Variants in FAM117A observed in about 807,000 individuals in gnomAD.
FAM117A encodes protein FAM117A.
Under a neutral mutation model 44.1 loss-of-function variants are expected in FAM117A, and 21 were observed. The observed-to-expected ratio is 0.48, with a 90% CI of 0.34 to 0.69. The LOEUF (loss-of-function observed/expected upper bound fraction) is 0.69, where lower values mean the gene tolerates loss of function less well. Ranked by LOEUF, FAM117A falls within the 30% of genes least tolerant of loss-of-function variation. The pLI is 0.01. For synonymous variants in FAM117A, 220 were observed against 238.3 expected, an observed-to-expected ratio of 0.92 and a Z score of 0.71; for missense variants, 498 against 589.9, an observed-to-expected ratio of 0.84 and a Z score of 1.61.
At chr17:49,717,467 CAT>C in intron 6 of FAM117A, 44 bp downstream of exon 6, 1 of 1,575,600 alleles carries the variant, frequency 6.3e-7, no homozygotes, top group East Asian at 2.2e-5. Context: ...TGGAGCCACT[CAT>C]GTGCCCCAGA....
At position 49,761,764 on chromosome 17, in the gene FAM117A, T is replaced by C. The variant is rs145651057; in HGVS notation, c.196+2128A>G. On this transcript the variant is annotated intron_variant, in intron 1 of 7. Coordinates refer to ENST00000240364, the MANE Select transcript of FAM117A (RefSeq NM_030802.4). ...ACACGTATGTGGGCTGAAGTTAACA[T>C]ATAAAAGCCCTGATGTGCCTCCAAA... is the stretch of plus-strand genomic sequence containing the variant. Among the ~76,000 whole-genome samples the C allele has an allele frequency of 1.8e-4, 27 of 152,336 alleles. No individual in the cohort carries two copies. The East Asian group carries it at 3.5e-3, about 20-fold the overall frequency.
intron 1 of FAM117A, among the ~76,000 whole-genome samples, chr17:49,749,464 C>CACTT (rs1555597232): frequency 2.0e-5 from 3 of 148,558 alleles, no homozygotes; most frequent in South Asian, 2.1e-4. Context: ...GTAGTCCCAG[C>CACTT]TACTCGAGAG....
rs2073471457 is a variant in FAM117A, at chr17:49,710,470, A to C, written c.*785T>G. The C allele has an allele frequency of 6.6e-6, 1 of 152,652 alleles. No individual in the cohort carries two copies. The highest frequency in any genetic ancestry group is 1.5e-5 in the Non-Finnish European group (1 of 68,048). 9.5% of individuals were successfully genotyped at this position (152,652 alleles called of 1,614,324 possible). A position where few individuals can be genotyped will look rare whatever the true frequency, so the allele number is the denominator to read the frequency against. Reference sequence around the variant, plus strand: ...GCTCTGCAGTACGGAAAATATACAAACTTCAAACAGCTGCAAAAATAGTGT... The same window carrying C: ...GCTCTGCAGTACGGAAAATATACAACCTTCAAACAGCTGCAAAAATAGTGT... On this transcript the variant is annotated 3_prime_UTR_variant, in exon 8 of 8. Coordinates refer to ENST00000240364, the MANE Select transcript of FAM117A (RefSeq NM_030802.4).
chr17:49,726,887 G>A (rs1233870680), intron 2 of FAM117A, among the ~76,000 whole-genome samples: 2 of 152,060 alleles, frequency 1.3e-5, no homozygotes, highest in Admixed American at 6.5e-5. Flanking sequence ...GGCTGAGGCA[G>A]GAGGACCACT....
At chr17:49,782,310 GA>G (rs1229276776) in intron 1 of FAM117A, among the ~76,000 whole-genome samples, 5 of 139,472 alleles carry the variant, frequency 3.6e-5, no homozygotes, top group Non-Finnish European at 7.6e-5. Flanking sequence ...CTGGGAGGCG[GA>G]GCTTGCAGTG....
At chr17:49,775,192 T>C (rs1210661799) in intron 1 of FAM117A, among the ~76,000 whole-genome samples, 2 of 152,194 alleles carry the variant, frequency 1.3e-5, no homozygotes, top group South Asian at 2.1e-4. Context: ...TTTGCCATGT[T>C]GGCCAGACTG....
chr17:49,787,220 G>A (rs1164095594), intron 1 of FAM117A, among the ~76,000 whole-genome samples: 2 of 152,218 alleles, frequency 1.3e-5, no homozygotes, highest in African/African-American at 4.8e-5. Context: ...ATATCCGTGA[G>A]TGCAAAATAA....
At position 49,764,067 on chromosome 17, in the gene FAM117A, G is replaced by T; in HGVS notation, c.21C>A (p.Gly7=). The part of the protein sequence containing the change: MAGAAA[G]GRGGGAWGPG... ...GCCCCCAGGCACCTCCGCCTCTGCC[G>T]CCCGCTGCGGCCCCCGCCATGGCTC... The change falls in exon 1 of 8, where the codon GGC becomes GGA. Residue 7 remains glycine (G), a synonymous_variant. Transcript: ENST00000240364. The T allele has an allele frequency of 1.7e-6, 2 of 1,176,192 alleles. No individual in the cohort carries two copies. The highest frequency in any genetic ancestry group is 2.1e-6 in the Non-Finnish European group (2 of 943,266). 72.9% of individuals were successfully genotyped at this position (1,176,192 alleles called of 1,614,324 possible).
chr17:49,718,673 A>G (rs183291172), intron 5 of FAM117A, among the ~76,000 whole-genome samples: 209 of 149,836 alleles, frequency 1.4e-3, no homozygotes, highest in African/African-American at 5.0e-3. Context: ...TCTGTCTCAA[A>G]AAAAAAAAAG....
rs1491230642 is a variant in FAM117A at position 49,763,123 on chromosome 17, T to TACAAAC, written c.196+768_196+769insGTTTGT. Among the ~76,000 whole-genome samples, 12 of 141,172 alleles carry TACAAAC rather than the reference T, an allele frequency of 8.5e-5. No homozygotes were observed. In the East Asian group the frequency reaches 2.6e-3, roughly 30 times the overall value. 92.6% of individuals were successfully genotyped at this position (141,172 alleles called of 152,430 possible). The stretch of plus-strand genomic sequence containing the variant: ...AAAACTGCCCAGGTCTCCCCCCCGC[T>TACAAAC]ACACACACACACACACACACACACA... On this transcript the variant is annotated intron_variant, in intron 1 of 7. Coordinates refer to ENST00000240364, the MANE Select transcript of FAM117A (RefSeq NM_030802.4).
intron 1 of FAM117A, among the ~76,000 whole-genome samples, chr17:49,744,349 A>G (rs1235870255): frequency 6.6e-6 from 1 of 152,128 alleles, no homozygotes; most frequent in Non-Finnish European, 1.5e-5. Context: ...GCATGATCAT[A>G]GTTCATTGCA....
chr17:49,719,772 C>T lies in FAM117A; in HGVS notation c.696G>A (p.Glu232=), dbSNP rs1313816893. The T allele has an allele frequency of 6.3e-7, 1 of 1,587,592 alleles. No individual in the cohort carries two copies. Among genetic ancestry groups the T allele is most frequent in the Admixed American group, 1.8e-5 (1 of 54,330 alleles). Residue 232 remains glutamate (E), a synonymous_variant, in exon 5 of 8, where the codon GAG becomes GAA. Coordinates refer to ENST00000240364, the MANE Select transcript of FAM117A (RefSeq NM_030802.4). The part of the protein sequence containing the change: ...EEVFVKEQGE[E]ELLRILDIPD... ...AGCCGCCACTCACCCTCAGCAGCTC[C>T]TCTTCTCCCTGCTCCTTCACAAATA...
intron 2 of FAM117A, among the ~76,000 whole-genome samples, chr17:49,728,108 T>C (rs2073568168): frequency 1.3e-5 from 2 of 152,272 alleles, no homozygotes; most frequent in African/African-American, 2.4e-5. Flanking sequence ...TTTTCCATCA[T>C]GGCCCCATTT....
chr17:49,733,001 TGGACTA>T, intron 1 of FAM117A: 1 of 388,224 alleles, frequency 2.6e-6, no homozygotes, highest in Admixed American at 3.6e-5. Context: ...CTGCTCCTAA[TGGACTA>T]TGAACCGTGA....
intron 1 of FAM117A, among the ~76,000 whole-genome samples, chr17:49,757,974 G>A (rs2073705405): frequency 6.6e-6 from 1 of 152,190 alleles, no homozygotes; most frequent in African/African-American, 2.4e-5. Context: ...ACTCTCTAGT[G>A]AGCATCTACC....
At chr17:49,719,945 C>A in intron 4 of FAM117A, 51 bp from the exon 5 acceptor site, 3 of 1,567,580 alleles carry the variant, frequency 1.9e-6, no homozygotes, top group Non-Finnish European at 1.7e-6. Flanking sequence ...CAGGCCTAGA[C>A]AGTCTTTCAT....
At chr17:49,743,512 G>A (rs939951228) in intron 1 of FAM117A, among the ~76,000 whole-genome samples, 3 of 152,034 alleles carry the variant, frequency 2.0e-5, no homozygotes, top group African/African-American at 7.2e-5. Context: ...GGCGGATCAC[G>A]AGGTCAGGAG....
At position 49,711,395 on chromosome 17, in the gene FAM117A, G is replaced by T; in HGVS notation, c.1222C>A (p.Pro408Thr). 1 of 1,612,978 alleles carries T rather than the reference G, an allele frequency of 6.2e-7. No homozygotes were observed. Residue 408 changes from proline to threonine, a missense_variant, in exon 8 of 8, where the codon CCC becomes ACC. Coordinates refer to ENST00000240364, the MANE Select transcript of FAM117A (RefSeq NM_030802.4). ...FRNCPSNPGS[P>T]LPPASPRPPP... is the part of the protein sequence containing the mutation. ...GGCCTGGGGCTGGCCGGGGGAAGGG[G>T]AGATCCCGGGTTTGAGGGGCAGTTA...
chr17:49,712,816 C>T (rs536257233), intron 7 of FAM117A, among the ~76,000 whole-genome samples: 21 of 152,326 alleles, frequency 1.4e-4, no homozygotes, highest in African/African-American at 4.8e-4. Flanking sequence ...ATCGGAAGAT[C>T]TGGGTTCTAA....
Sources: gnomAD v4.1 joint callset for allele counts (sites outside exome capture counted in the v4.1 genomes callset) on GRCh38, gnomAD v4.1.1 for gene constraint, MANE v1.5 for transcripts, NCBI Gene and HGNC (gene_info 2026-07-23, HGNC 2026-07-21) for gene names.